Variants in NKAP observed in about 807,000 individuals in gnomAD.
NKAP encodes the protein NF-kappa-B-activating protein.
A neutral mutation model predicts 35.6 loss-of-function variants in NKAP; 4 were observed. The ratio of observed to expected loss-of-function variants is 0.11; its 90% CI spans 0.06 to 0.26. The LOEUF (loss-of-function observed/expected upper bound fraction) is 0.26. Ranked by LOEUF, NKAP falls within the 10% of genes least tolerant of loss-of-function variation. The probability of loss-of-function intolerance (pLI) is 1.00; values close to 1 mark genes in which losing one functional copy is unlikely to be tolerated. For missense variants in NKAP, 238 were observed against 321.9 expected (o/e 0.74, Z 1.99); for synonymous variants, 106 against 119.2 (o/e 0.89, Z 0.72).
At position 119,925,114 on chromosome X, in the gene NKAP, G is replaced by T. The variant is rs1456320260; in HGVS notation, c.*106C>A. 5 of 791,001 alleles carry T rather than the reference G, an allele frequency of 6.3e-6. No homozygotes were observed. The East Asian group carries it at 1.6e-4, about 25-fold the overall frequency. 65.2% of individuals were successfully genotyped at this position (791,001 alleles called of 1,213,427 possible). A position where few individuals can be genotyped will look rare whatever the true frequency, so the allele number is the denominator to read the frequency against. The stretch of plus-strand genomic sequence containing the variant: ...AAAGAATTAAATAGAAGGCACAGTA[G>T]CACTGTAAAGCTTTCTCAGAACATA... On this transcript the variant is annotated 3_prime_UTR_variant, in exon 9 of 9. Coordinates refer to ENST00000371410, the MANE Select transcript of NKAP (RefSeq NM_024528.4).
intron 1 of NKAP, among the ~76,000 whole-genome samples, chrX:119,939,215 G>A (rs1450336849): frequency 8.9e-6 from 1 of 112,766 alleles, no homozygotes; most frequent in Non-Finnish European, 1.9e-5. Flanking sequence ...AATTAATGAA[G>A]AAAATAAAAA....
intron 1 of NKAP, among the ~76,000 whole-genome samples, chrX:119,941,911 G>A (rs2056795385): frequency 8.9e-6 from 1 of 112,153 alleles, no homozygotes; most frequent in South Asian, 3.7e-4. Context: ...TTACAGGCAT[G>A]AGCCTCTGTG....
chrX:119,920,726 A>G lies in NKAP; in HGVS notation c.*4494T>C. ...AACTTGTGGCACACAATCCAGCTGT[A>G]TTTTTTTGCATTCATTCATTTTCCA... On this transcript the variant is annotated 3_prime_UTR_variant, in exon 9 of 9. Coordinates refer to ENST00000371410, the MANE Select transcript of NKAP (RefSeq NM_024528.4). 2.0e-6 allele frequency: 1 copy of G among 496,014 alleles called. No homozygotes were observed. Among genetic ancestry groups the G allele is most frequent in the Non-Finnish European group, 3.2e-6 (1 of 315,922 alleles). 40.9% of individuals were successfully genotyped at this position (496,014 alleles called of 1,213,427 possible). A position where few individuals can be genotyped will look rare whatever the true frequency, so the allele number is the denominator to read the frequency against.
Position 119,934,551 on chromosome X carries a change from T to C in NKAP, c.680A>G (p.Asp227Gly). Residue 227 changes from aspartate to glycine, a missense_variant, in exon 5 of 9, where the codon GAT becomes GGT. By Grantham distance (94) the Asp-to-Gly change is moderately conservative. This residue lies in a region of NKAP where 89 missense variants were observed against 91.7 expected (regional missense o/e 0.97). Coordinates refer to ENST00000371410, the MANE Select transcript of NKAP (RefSeq NM_024528.4). Reference sequence around the variant, plus strand: ...GGCTTTCTTTGCTCTCCTTTTGTTATCTTCATCTGCAAATTAAAGCACATT... The same window carrying C: ...GGCTTTCTTTGCTCTCCTTTTGTTACCTTCATCTGCAAATTAAAGCACATT... The part of the protein sequence containing the change: ...SDSETDSSDE[D>G]NKRRAKKAKK... 1.7e-6 allele frequency: 2 copies of C among 1,159,343 alleles called. No homozygotes were observed. Among genetic ancestry groups the C allele is most frequent in the Non-Finnish European group, 2.3e-6 (2 of 872,863 alleles).
intron 8 of NKAP, among the ~76,000 whole-genome samples, chrX:119,927,386 C>G (rs1013647355): frequency 5.4e-5 from 6 of 110,791 alleles, no homozygotes; most frequent in African/African-American, 2.0e-4. Context: ...CTCTTGTTGC[C>G]CAGACTAGAG....
At chrX:119,943,076 T>G in intron 1 of NKAP, 144 bp downstream of exon 1, 2 of 764,079 alleles carry the variant, frequency 2.6e-6, no homozygotes, top group East Asian at 3.3e-5. Flanking sequence ...AGGGTTGTCG[T>G]GGGTGGATTA....
At position 119,943,454 on chromosome X, in the gene NKAP, C is replaced by G; in HGVS notation, c.152G>C (p.Gly51Ala). The G allele has an allele frequency of 8.3e-7, 1 of 1,211,115 alleles. No individual in the cohort carries two copies. Among genetic ancestry groups the G allele is most frequent in the Non-Finnish European group, 1.1e-6 (1 of 894,933 alleles). The stretch of plus-strand genomic sequence containing the variant: ...CTGATGGGTGAGTCCATTCCGGTCC[C>G]CGGACCGAGAGCAAGAGTGCGAGCG... Reference protein sequence around the residue: ...RSRSHSCSRSGDRNGLTHQLG... With the variant: ...RSRSHSCSRSADRNGLTHQLG... Residue 51 changes from glycine to alanine, a missense_variant, in exon 1 of 9, where the codon GGG becomes GCG. By Grantham distance (60) the Gly-to-Ala change is moderately conservative. Coordinates refer to ENST00000371410, the MANE Select transcript of NKAP (RefSeq NM_024528.4).
intron 4 of NKAP, among the ~76,000 whole-genome samples, chrX:119,934,759 T>C (rs1272423058): frequency 9.0e-6 from 1 of 110,878 alleles, no homozygotes; most frequent in Non-Finnish European, 1.9e-5. Context: ...TTTGATGATA[T>C]AGGGTATTAT....
In NKAP at chrX:119,926,555, CCAT is replaced by C. The variant is rs1320410583; in HGVS notation, c.1074-1164_1074-1162del. ...GTGCTGGGATTACAGGTGTGAGCCA[CCAT>C]GCCTGGCCGCTATCATTAATTTCAA... is the stretch of plus-strand genomic sequence containing the variant. On this transcript the variant is annotated intron_variant, in intron 8 of 8. Transcript: ENST00000371410. Among the ~76,000 whole-genome samples, 12 of 111,222 alleles carry C rather than the reference CCAT, an allele frequency of 1.1e-4. No homozygotes were observed. The Admixed American group carries it at 1.2e-3, about 11-fold the overall frequency.
chrX:119,939,987 G>T (rs1424977819), intron 1 of NKAP, among the ~76,000 whole-genome samples: 1 of 108,183 alleles, frequency 9.2e-6, no homozygotes, highest in Non-Finnish European at 1.9e-5. Flanking sequence ...CTCCCAAAGC[G>T]TTGGGATCAC....
chrX:119,920,964 C>T lies in NKAP; in HGVS notation c.*4256G>A, dbSNP rs796214692. Reference sequence around the variant, plus strand: ...GCCTAAGTCTCCAGCTCAGACACATCTCTTTATGGGCACAACTGGGAACAA... The same window carrying T: ...GCCTAAGTCTCCAGCTCAGACACATTTCTTTATGGGCACAACTGGGAACAA... On this transcript the variant is annotated 3_prime_UTR_variant, in exon 9 of 9. Coordinates refer to ENST00000371410, the MANE Select transcript of NKAP (RefSeq NM_024528.4). The T allele has an allele frequency of 3.3e-5, 4 of 121,936 alleles. No homozygotes were observed. In the South Asian group the frequency reaches 9.0e-4, roughly 28 times the overall value. The allele number at this position is 121,936 out of a possible 1,213,427, so 10.0% of individuals were successfully genotyped here.
intron 7 of NKAP, among the ~76,000 whole-genome samples, chrX:119,931,712 C>T (rs2056742422): frequency 9.1e-6 from 1 of 110,216 alleles, no homozygotes; most frequent in Non-Finnish European, 1.9e-5. Flanking sequence ...GGGAAGAAAA[C>T]AGAGGGCAGG....
chrX:119,929,960 TA>T (rs1169554457), intron 8 of NKAP, 55 bp downstream of exon 8: 31 of 1,080,244 alleles, frequency 2.9e-5, no homozygotes, highest in Non-Finnish European at 3.7e-5. Flanking sequence ...ATTCTGGTAG[TA>T]AAAAAGAAGA....
chrX:119,926,196 T>A (rs2056712526), intron 8 of NKAP, among the ~76,000 whole-genome samples: 1 of 105,471 alleles, frequency 9.5e-6, no homozygotes, highest in Non-Finnish European at 1.9e-5. Flanking sequence ...GACCTCATGA[T>A]CCACCCACCT....
At chrX:119,925,981 G>A (rs1004211911) in intron 8 of NKAP, among the ~76,000 whole-genome samples, 1 of 65,817 alleles carries the variant, frequency 1.5e-5, no homozygotes, top group Admixed American at 2.6e-4. Context: ...ACGGAGTCTC[G>A]CTCTGTCGCC....
chrX:119,936,413 G>A lies in NKAP; in HGVS notation c.557C>T (p.Ser186Phe). 8.7e-7 allele frequency: 1 copy of A among 1,154,577 alleles called. No individual in the cohort carries two copies. The highest frequency in any genetic ancestry group is 1.2e-6 in the Non-Finnish European group (1 of 865,136). ...CTTGGACCTTTCTTTTGAACGGCTA[G>A]ACTTCTTCTTTTTTTCTTCTAAGAA... The part of the protein sequence containing the change: ...STSEEEKKKK[S>F]SRSKERSKKR... Residue 186 changes from serine to phenylalanine, a missense_variant, in exon 4 of 9, where the codon TCT becomes TTT. Ser to Phe is a radical substitution (Grantham distance 155). Transcript: ENST00000371410.
Position 119,925,187 on chromosome X carries a change from G to T in NKAP, c.*33C>A. 2 of 1,186,523 alleles carry T rather than the reference G, an allele frequency of 1.7e-6. No homozygotes were observed. Among genetic ancestry groups the T allele is most frequent in the Non-Finnish European group, 1.1e-6 (1 of 883,093 alleles). On this transcript the variant is annotated 3_prime_UTR_variant, in exon 9 of 9. Coordinates refer to ENST00000371410, the MANE Select transcript of NKAP (RefSeq NM_024528.4). ...TGGAACCCAGACTTTCTTTTTTGTT[G>T]TTAAAAATGTCTTCTGGACAATCAG...
At chrX:119,930,630 C>G (rs766047486) in intron 7 of NKAP, among the ~76,000 whole-genome samples, 7 of 110,501 alleles carry the variant, frequency 6.3e-5, no homozygotes, top group Non-Finnish European at 1.3e-4. Context: ...AGCAGCCTGG[C>G]CAACATAGCG....
In NKAP at chrX:119,932,095, A is replaced by C. The variant is rs372015479; in HGVS notation, c.847+12T>G. 5 of 1,191,758 alleles carry C rather than the reference A, an allele frequency of 4.2e-6. No individual in the cohort carries two copies. Among genetic ancestry groups the C allele is most frequent in the Non-Finnish European group, 5.7e-6 (5 of 879,451 alleles). On this transcript the variant is annotated intron_variant, in intron 6 of 8. Coordinates refer to ENST00000371410, the MANE Select transcript of NKAP (RefSeq NM_024528.4). ...TTCATCTGTTCTGAGTTAGTCTATCAGAAGAACCTACTTGTTCGATCCTTC... is the reference window on the plus strand; with the variant it reads ...TTCATCTGTTCTGAGTTAGTCTATCCGAAGAACCTACTTGTTCGATCCTTC...
Sources: allele counts gnomAD v4.1 joint callset (sites outside exome capture counted in the v4.1 genomes callset), GRCh38; gene constraint gnomAD v4.1.1; regional missense constraint gnomAD v4.1.1; transcripts MANE v1.5; gene names NCBI Gene and HGNC (gene_info 2026-07-23, HGNC 2026-07-21).